Variants in TEX19 observed in about 807,000 individuals in gnomAD.
TEX19 encodes testis expressed 19, also known as testis-expressed protein 19.
For missense variants in TEX19, 184 were observed against 194.4 expected (o/e 0.95, Z 0.32); for synonymous variants, 77 against 73.9 (o/e 1.04, Z -0.21).
Position 82,362,554 on chromosome 17 carries a change from G to A in TEX19, c.404G>A (p.Gly135Asp), listed in dbSNP as rs1445863837. The change falls in exon 2 of 2, where the codon GGC (glycine) becomes GAC (aspartate). Residue 135 changes from glycine to aspartate, a missense_variant. Transcript: ENST00000333437. This position sits in a 1 kb window ranked among gnomAD's most constrained non-coding sequence, Gnocchi z 5.5. The part of the protein sequence containing the change: ...WPQEAVPLGL[G>D]LEDADWTQGL... The stretch of plus-strand genomic sequence containing the variant: ...CAGGAGGCTGTGCCCCTGGGCCTGG[G>A]CCTTGAGGATGCTGACTGGACCCAG... 1.9e-6 allele frequency: 3 copies of A among 1,611,870 alleles called. No homozygotes were observed. The highest frequency in any genetic ancestry group is 2.5e-6 in the Non-Finnish European group (3 of 1,179,486).
At chr17:82,360,345 C>T (rs1293811164) in intron 1 of TEX19, among the ~76,000 whole-genome samples, 1 of 81,828 alleles carries the variant, frequency 1.2e-5, no homozygotes, top group Admixed American at 1.3e-4. Flanking sequence ...CCCTCAGGTT[C>T]CCCCAGTTTC....
chr17:82,362,904 C>A lies in TEX19; in HGVS notation c.*259C>A. On this transcript the variant is annotated 3_prime_UTR_variant, in exon 2 of 2. Coordinates refer to ENST00000333437, the MANE Select transcript of TEX19 (RefSeq NM_207459.4). This position sits in a 1 kb window ranked among gnomAD's most constrained non-coding sequence, Gnocchi z 5.5. ...GAGACTCCAAGATGCACCCCAAGAGCAGGACCTGCACTGGTGGATGCTGAG... is the reference window on the plus strand; with the variant it reads ...GAGACTCCAAGATGCACCCCAAGAGAAGGACCTGCACTGGTGGATGCTGAG... The A allele has an allele frequency of 2.1e-6, 1 of 468,640 alleles. No individual in the cohort carries two copies. The allele number at this position is 468,640 out of a possible 1,614,324, so 29.0% of individuals were successfully genotyped here. A position where few individuals can be genotyped will look rare whatever the true frequency, so the allele number is the denominator to read the frequency against.
In TEX19 at chr17:82,362,350, C is replaced by G; in HGVS notation, c.200C>G (p.Thr67Ser). The G allele has an allele frequency of 6.2e-7, 1 of 1,613,756 alleles. No homozygotes were observed. Among genetic ancestry groups the G allele is most frequent in the South Asian group, 1.1e-5 (1 of 91,084 alleles). ...DNWDPELMEH[T>S]EAESEQEGSS... ...TGGGACCCTGAGCTGATGGAGCACA[C>G]TGAGGCAGAGTCAGAGCAGGAGGGG... Residue 67 changes from threonine to serine, a missense_variant, in exon 2 of 2, where the codon ACT becomes AGT. By Grantham distance (58) the Thr-to-Ser change is moderately conservative. Coordinates refer to ENST00000333437, the MANE Select transcript of TEX19 (RefSeq NM_207459.4). The surrounding 1 kb of genome is among the most constrained non-coding windows in gnomAD (Gnocchi z 5.5).
Position 82,362,285 on chromosome 17 carries a change from T to C in TEX19, c.135T>C (p.Phe45=), listed in dbSNP as rs2052401696. The C allele has an allele frequency of 6.2e-7, 1 of 1,613,988 alleles. No individual in the cohort carries two copies. Reference sequence around the variant, plus strand: ...GCTTCAAGGCTGCCTTTCTAGACTTTAAAGACTTGCTGGAGTCAGAGGACT... The same window carrying C: ...GCTTCAAGGCTGCCTTTCTAGACTTCAAAGACTTGCTGGAGTCAGAGGACT... ...FTCFKAAFLD[F]KDLLESEDWE... is the part of the protein sequence containing the mutation. The change falls in exon 2 of 2, where the codon TTT becomes TTC. Residue 45 remains phenylalanine, a synonymous_variant. Coordinates refer to ENST00000333437, the MANE Select transcript of TEX19 (RefSeq NM_207459.4). The surrounding 1 kb of genome is among the most constrained non-coding windows in gnomAD (Gnocchi z 5.5).
At chr17:82,359,926 G>A (rs1399974533) in intron 1 of TEX19, among the ~76,000 whole-genome samples, 1 of 115,022 alleles carries the variant, frequency 8.7e-6, no homozygotes, top group African/African-American at 3.6e-5. Flanking sequence ...GTTTCCCTCA[G>A]TTTCCCTCAA....
chr17:82,361,708 G>C, intron 1 of TEX19, 172 bp from the exon 2 acceptor site: 1 of 985,374 alleles, frequency 1.0e-6, no homozygotes, highest in Non-Finnish European at 1.2e-6. Context: ...TGAGCCCGGG[G>C]AGGTCGGATG....
chr17:82,362,008 C>A lies in TEX19; in HGVS notation c.-143C>A. ...CCACCCCAAATCCCTGGATAGGAAA[C>A]CCCTTTCTCCTCCTGCTCCTTGTCC... is the stretch of plus-strand genomic sequence containing the variant. On this transcript the variant is annotated 5_prime_UTR_variant, in exon 2 of 2. Coordinates refer to ENST00000333437, the MANE Select transcript of TEX19 (RefSeq NM_207459.4). The surrounding 1 kb of genome is among the most constrained non-coding windows in gnomAD (Gnocchi z 5.5). 1 of 1,155,638 alleles carries A rather than the reference C, an allele frequency of 8.7e-7. No individual in the cohort carries two copies. The highest frequency in any genetic ancestry group is 1.2e-6 in the Non-Finnish European group (1 of 827,130). 71.6% of individuals were successfully genotyped at this position (1,155,638 alleles called of 1,614,324 possible).
chr17:82,363,649 G>T lies in TEX19; in HGVS notation c.*1004G>T. The T allele has an allele frequency of 6.0e-6, 1 of 167,216 alleles. No individual in the cohort carries two copies. The allele number at this position is 167,216 out of a possible 1,614,324, so 10.4% of individuals were successfully genotyped here. A position where few individuals can be genotyped will look rare whatever the true frequency, so the allele number is the denominator to read the frequency against. ...CACAAGACCCTGTCAGCAGCACTAG[G>T]ATCTCTGGTCTACAGTGGAGGGAGA... is the stretch of plus-strand genomic sequence containing the variant. On this transcript the variant is annotated 3_prime_UTR_variant, in exon 2 of 2. Coordinates refer to ENST00000333437, the MANE Select transcript of TEX19 (RefSeq NM_207459.4).
rs760827514 is a variant in TEX19, at chr17:82,362,964, G to C, written c.*319G>C. ...AACATCGTTAACAGGACACAGGGCAGAGCTGGTCCCTGCAGCCTCAGCCCT... is the reference window on the plus strand; with the variant it reads ...AACATCGTTAACAGGACACAGGGCACAGCTGGTCCCTGCAGCCTCAGCCCT... On this transcript the variant is annotated 3_prime_UTR_variant, in exon 2 of 2. Coordinates refer to ENST00000333437, the MANE Select transcript of TEX19 (RefSeq NM_207459.4). The surrounding 1 kb of genome is among the most constrained non-coding windows in gnomAD (Gnocchi z 5.5). 26 of 277,612 alleles carry C rather than the reference G, an allele frequency of 9.4e-5. No homozygotes were observed. Among genetic ancestry groups the C allele is most frequent in the Non-Finnish European group, 1.4e-4 (20 of 139,248 alleles). 17.2% of individuals were successfully genotyped at this position (277,612 alleles called of 1,614,324 possible). A position where few individuals can be genotyped will look rare whatever the true frequency, so the allele number is the denominator to read the frequency against.
intron 1 of TEX19, chr17:82,361,634 C>T (rs1371097834): frequency 2.0e-6 from 2 of 985,406 alleles, no homozygotes; most frequent in East Asian, 1.1e-4. Flanking sequence ...CCTCATGTTC[C>T]CCCAGGTTCT....
chr17:82,361,894 C>T lies in TEX19; in HGVS notation c.-257C>T, dbSNP rs553565683. On this transcript the variant is annotated 5_prime_UTR_variant, in exon 2 of 2. Transcript: ENST00000333437. The stretch of plus-strand genomic sequence containing the variant: ...TGCCTTTCCAGCTCTCCTGAGACCA[C>T]AGCAACTGCAGAAGCTGAAGACATT... The T allele has an allele frequency of 7.3e-5, 53 of 723,854 alleles. 1 individual carries two copies. In the South Asian group the frequency reaches 9.4e-4, roughly 13 times the overall value. 44.8% of individuals were successfully genotyped at this position (723,854 alleles called of 1,614,324 possible). A position where few individuals can be genotyped will look rare whatever the true frequency, so the allele number is the denominator to read the frequency against.
intron 1 of TEX19, among the ~76,000 whole-genome samples, chr17:82,360,743 C>T (rs1218608402): frequency 5.8e-5 from 6 of 103,016 alleles, no homozygotes; most frequent in East Asian, 3.1e-4. Flanking sequence ...TCAGGTTCCC[C>T]CAGTTTCCCT....
rs375937908 is a variant in TEX19 at position 82,362,252 on chromosome 17, C to T, written c.102C>T (p.Cys34=). 8.0e-5 allele frequency: 129 copies of T among 1,613,900 alleles called. No homozygotes were observed. Among genetic ancestry groups the T allele is most frequent in the Non-Finnish European group, 1.0e-4 (120 of 1,180,036 alleles). Residue 34 remains cysteine, a synonymous_variant, in exon 2 of 2, where the codon TGC becomes TGT. Coordinates refer to ENST00000333437, the MANE Select transcript of TEX19 (RefSeq NM_207459.4). This position sits in a 1 kb window ranked among gnomAD's most constrained non-coding sequence, Gnocchi z 5.5. The stretch of plus-strand genomic sequence containing the variant: ...AACATGGAGATCAGCTAAGCATTTG[C>T]TTCACCTGCTTCAAGGCTGCCTTTC... ...QLQHGDQLSI[C]FTCFKAAFLD...
Position 82,361,530 on chromosome 17 carries a change from G to GTTCCCTCAGT in TEX19, c.-271-345_-271-344insTCAGTTTCCC, listed in dbSNP as rs2052393959. 4.0e-6 allele frequency: 3 copies of GTTCCCTCAGT among 755,656 alleles called. No individual in the cohort carries two copies. In the African/African-American group the frequency reaches 8.0e-5, roughly 20 times the overall value. The allele number at this position is 755,656 out of a possible 1,614,324, so 46.8% of individuals were successfully genotyped here. On this transcript the variant is annotated intron_variant, in intron 1 of 1. Coordinates refer to ENST00000333437, the MANE Select transcript of TEX19 (RefSeq NM_207459.4). ...CTCAGTTTCCCCCAGTTTCCCTCAG[G>GTTCCCTCAGT]TTCCCCCAGTTTCCCTCAGGTTCCC...
At position 82,362,727 on chromosome 17, in the gene TEX19, G is replaced by A. The variant is rs1243825588; in HGVS notation, c.*82G>A. 2.8e-5 allele frequency: 42 copies of A among 1,478,460 alleles called. No individual in the cohort carries two copies. The Admixed American group carries it at 9.0e-4, about 32-fold the overall frequency. 91.6% of individuals were successfully genotyped at this position (1,478,460 alleles called of 1,614,324 possible). On this transcript the variant is annotated 3_prime_UTR_variant, in exon 2 of 2. Transcript: ENST00000333437. The surrounding 1 kb of genome is among the most constrained non-coding windows in gnomAD (Gnocchi z 5.5). Reference sequence around the variant, plus strand: ...CATTACCTGGGCAGTGGACCCTGCCGAGGCTGAGGCCTAGTTACTGGCCCT... The same window carrying A: ...CATTACCTGGGCAGTGGACCCTGCCAAGGCTGAGGCCTAGTTACTGGCCCT...
chr17:82,361,988 C>A lies in TEX19; in HGVS notation c.-163C>A. 1.0e-6 allele frequency: 1 copy of A among 1,001,402 alleles called. No homozygotes were observed. The highest frequency in any genetic ancestry group is 1.4e-6 in the Non-Finnish European group (1 of 698,286). The allele number at this position is 1,001,402 out of a possible 1,614,324, so 62.0% of individuals were successfully genotyped here. A position where few individuals can be genotyped will look rare whatever the true frequency, so the allele number is the denominator to read the frequency against. ...TGGGACCCAGGTCATCCACCCCACCCCAAATCCCTGGATAGGAAACCCCTT... is the reference window on the plus strand; with the variant it reads ...TGGGACCCAGGTCATCCACCCCACCACAAATCCCTGGATAGGAAACCCCTT... On this transcript the variant is annotated 5_prime_UTR_variant, in exon 2 of 2. Transcript: ENST00000333437.
intron 1 of TEX19, among the ~76,000 whole-genome samples, chr17:82,360,575 GTTCCCCCAGT>G (rs1279149223): frequency 3.7e-5 from 2 of 53,742 alleles, no homozygotes; most frequent in Admixed American, 2.5e-4. Flanking sequence ...TTTCCCTCAG[GTTCCCCCAGT>G]TTCCCTCAGG....
intron 1 of TEX19, among the ~76,000 whole-genome samples, chr17:82,361,207 A>C (rs1599668867): frequency 3.8e-5 from 3 of 79,192 alleles, no homozygotes; most frequent in African/African-American, 1.2e-4. Flanking sequence ...AGTTTCCCCC[A>C]GTTTCCCTCA....
At chr17:82,361,832 C>T (rs1285391588) in intron 1 of TEX19, 48 bp from the exon 2 acceptor site, 1 of 1,065,386 alleles carries the variant, frequency 9.4e-7, no homozygotes, top group Non-Finnish European at 1.2e-6. Context: ...AGTTTGCCCC[C>T]ACCCTGCCTG....
Sources: gnomAD v4.1 joint callset for allele counts (sites outside exome capture counted in the v4.1 genomes callset) on GRCh38, gnomAD v4.1.1 for gene constraint, Gnocchi (gnomAD v3.1) non-coding constraint, MANE v1.5 for transcripts, NCBI Gene and HGNC (gene_info 2026-07-23, HGNC 2026-07-21) for gene names.